Variants in CORIN observed in about 807,000 individuals in gnomAD.
CORIN encodes corin, serine peptidase, also known as atrial natriuretic peptide-converting enzyme.
A neutral mutation model predicts 125.3 loss-of-function variants in CORIN; 117 were observed. That is an observed-to-expected ratio of 0.93 (90% CI 0.80 to 1.09). The LOEUF is 1.09. Ranked by LOEUF, CORIN falls within the 50% of genes least tolerant of loss-of-function variation. The probability of loss-of-function intolerance (pLI) is 0.00; values close to 1 mark genes in which losing one functional copy is unlikely to be tolerated. For missense variants in CORIN, 1,253 were observed against 1,306.7 expected (o/e 0.96, Z 0.63); for synonymous variants, 450 against 466.4 (o/e 0.96, Z 0.45).
intron 7 of CORIN, chr4:47,681,903 A>G (rs190113541): frequency 5.3e-5 from 8 of 152,358 alleles, no homozygotes; most frequent in Admixed American, 4.6e-4. Context: ...ATGCCATCAA[A>G]AAATGAGTGG....
At chr4:47,705,972 T>C (rs1025795025) in intron 5 of CORIN, among the ~76,000 whole-genome samples, 7 of 152,264 alleles carry the variant, frequency 4.6e-5, no homozygotes, top group Non-Finnish European at 7.3e-5. Context: ...ATATGAATCC[T>C]CATAAACCAA....
intron 1 of CORIN, among the ~76,000 whole-genome samples, chr4:47,809,193 T>C (rs1468554948): frequency 6.6e-6 from 1 of 152,106 alleles, no homozygotes; most frequent in East Asian, 1.9e-4. Context: ...ACAGAAGCAT[T>C]ATAGGAATAA....
At chr4:47,684,377 A>G (rs756922110) in intron 6 of CORIN, among the ~76,000 whole-genome samples, 1 of 152,248 alleles carries the variant, frequency 6.6e-6, no homozygotes, top group Non-Finnish European at 1.5e-5. Flanking sequence ...TGGCAAGATG[A>G]GAAGTGCTAT....
chr4:47,776,333 T>G (rs1730298420), intron 3 of CORIN, among the ~76,000 whole-genome samples: 1 of 152,090 alleles, frequency 6.6e-6, no homozygotes, highest in Non-Finnish European at 1.5e-5. Flanking sequence ...TTGCCCAGAC[T>G]GGAGTGCAAT....
intron 5 of CORIN, among the ~76,000 whole-genome samples, chr4:47,740,980 A>G (rs1246666695): frequency 6.6e-6 from 1 of 152,014 alleles, no homozygotes; most frequent in African/African-American, 2.4e-5. Context: ...TAAATATAAG[A>G]GCTAAATCTA....
intron 2 of CORIN, among the ~76,000 whole-genome samples, chr4:47,803,471 G>A (rs749864988): frequency 1.1e-4 from 17 of 152,184 alleles, no homozygotes; most frequent in Non-Finnish European, 2.5e-4. Context: ...CAGAGCTATA[G>A]TAAACAAAAC....
chr4:47,824,428 TC>T (rs1026477855), intron 1 of CORIN, among the ~76,000 whole-genome samples: 41 of 152,202 alleles, frequency 2.7e-4, no homozygotes, highest in African/African-American at 9.4e-4. Context: ...ATCTTGCAGG[TC>T]CTTTGTTGGG....
At chr4:47,708,603 T>G (rs1449095976) in intron 5 of CORIN, among the ~76,000 whole-genome samples, 1 of 152,136 alleles carries the variant, frequency 6.6e-6, no homozygotes, top group Non-Finnish European at 1.5e-5. Flanking sequence ...CCTTAATATC[T>G]TATTCATTTT....
At chr4:47,633,995 C>T (rs9918055) in intron 16 of CORIN, among the ~76,000 whole-genome samples, 14 of 151,408 alleles carry the variant, frequency 9.2e-5, no homozygotes, top group Non-Finnish European at 1.5e-4. Flanking sequence ...ATTCAAAATT[C>T]AAAAAAAATT....
At chr4:47,605,879 A>G (rs931555328) in intron 19 of CORIN, among the ~76,000 whole-genome samples, 2 of 152,084 alleles carry the variant, frequency 1.3e-5, no homozygotes, top group Non-Finnish European at 2.9e-5. Context: ...CTGAGATTTC[A>G]AGGGAGTTAG....
chr4:47,667,200 C>T (rs902555166), intron 10 of CORIN, among the ~76,000 whole-genome samples: 3 of 152,198 alleles, frequency 2.0e-5, no homozygotes, highest in African/African-American at 7.2e-5. Context: ...TTACCTTCCA[C>T]CATGATTGTG....
At chr4:47,756,319 C>A (rs1729144463) in intron 4 of CORIN, among the ~76,000 whole-genome samples, 1 of 152,208 alleles carries the variant, frequency 6.6e-6, no homozygotes, top group Non-Finnish European at 1.5e-5. Flanking sequence ...GCTTCAGAAA[C>A]TATGGTAGGG....
At chr4:47,688,503 G>T (rs946514108) in intron 6 of CORIN, among the ~76,000 whole-genome samples, 1 of 152,290 alleles carries the variant, frequency 6.6e-6, no homozygotes, top group Admixed American at 6.5e-5. Flanking sequence ...TCAGGAGGCT[G>T]AGCCTGGAGA....
intron 5 of CORIN, among the ~76,000 whole-genome samples, chr4:47,740,683 T>A (rs191843779): frequency 1.3e-4 from 20 of 152,044 alleles, no homozygotes; most frequent in African/African-American, 4.3e-4. Context: ...GCTAAAGTAA[T>A]CCTTAAAAAG....
intron 3 of CORIN, among the ~76,000 whole-genome samples, chr4:47,769,412 T>A (rs1012493015): frequency 1.3e-5 from 2 of 152,074 alleles, no homozygotes; most frequent in Non-Finnish European, 2.9e-5. Flanking sequence ...CCTGTATTCA[T>A]GGTTTGGAAG....
At chr4:47,835,928 A>G (rs1306988095) in intron 1 of CORIN, among the ~76,000 whole-genome samples, 2 of 152,232 alleles carry the variant, frequency 1.3e-5, no homozygotes, top group African/African-American at 4.8e-5. Flanking sequence ...TTTAACCCAC[A>G]GGAAGGTTAA....
intron 5 of CORIN, among the ~76,000 whole-genome samples, chr4:47,723,727 G>A (rs573669205): frequency 1.4e-4 from 22 of 151,864 alleles, no homozygotes; most frequent in South Asian, 4.2e-4. Flanking sequence ...GGCCAGGCAC[G>A]GTGGCTCATG....
At chr4:47,643,751 TAAC>T (rs1228715994) in intron 14 of CORIN, among the ~76,000 whole-genome samples, 3 of 152,178 alleles carry the variant, frequency 2.0e-5, no homozygotes, top group Non-Finnish European at 4.4e-5. Context: ...ATTGCCTACT[TAAC>T]AACCATTTCC....
At chr4:47,798,439 A>G (rs576616968) in intron 2 of CORIN, among the ~76,000 whole-genome samples, 5 of 152,292 alleles carry the variant, frequency 3.3e-5, no homozygotes, top group East Asian at 1.9e-4. Flanking sequence ...ACCCTAATGT[A>G]CACAGAAATA....
Sources: gnomAD v4.1 joint callset for allele counts (sites outside exome capture counted in the v4.1 genomes callset) on GRCh38, gnomAD v4.1.1 for gene constraint, MANE v1.5 for transcripts, NCBI Gene and HGNC (gene_info 2026-07-23, HGNC 2026-07-21) for gene names.